Variants in CSMD3 observed in about 807,000 individuals in gnomAD.
CSMD3 encodes CUB and sushi domain-containing protein 3.
Under a neutral mutation model 435.2 loss-of-function variants are expected in CSMD3, and 177 were observed. The observed-to-expected ratio is 0.41, with a 90% CI of 0.36 to 0.46. CSMD3 has a LOEUF of 0.46. CSMD3 is among the 20% of genes least tolerant of loss of function. The probability of loss-of-function intolerance (pLI) is 0.34; values close to 1 mark genes in which losing one functional copy is unlikely to be tolerated. For synonymous variants in CSMD3, 1,656 were observed against 1,520.5 expected (o/e 1.09, Z -2.07); for missense variants, 4,265 against 4,504.6 (o/e 0.95, Z 1.52).
intron 32 of CSMD3, among the ~76,000 whole-genome samples, chr8:112,437,670 T>C (rs1814521811): frequency 6.6e-6 from 1 of 152,074 alleles, no homozygotes; most frequent in Non-Finnish European, 1.5e-5. Flanking sequence ...AAATATACTC[T>C]TTTTTTCTTT....
chr8:112,981,632 C>T (rs968053190), intron 6 of CSMD3, among the ~76,000 whole-genome samples: 2 of 151,402 alleles, frequency 1.3e-5, no homozygotes, highest in African/African-American at 4.8e-5. Flanking sequence ...TAAGATTTGT[C>T]AGTAAATGTA....
Position 113,173,906 on chromosome 8 carries a change from A to G in CSMD3, c.525T>C (p.Ser175=). The G allele has an allele frequency of 6.2e-7, 1 of 1,612,722 alleles. No individual in the cohort carries two copies. Among genetic ancestry groups the G allele is most frequent in the Non-Finnish European group, 8.5e-7 (1 of 1,178,838 alleles). The change falls in exon 4 of 71, where the codon AGT becomes AGC. Residue 175 remains serine, a synonymous_variant. Coordinates refer to ENST00000297405, the MANE Select transcript of CSMD3 (RefSeq NM_198123.2). The part of the protein sequence containing the change: ...GFKVYYEELQ[S]SSCGNPGVPP... ...GAACACCAGGATTTCCACAAGAGCT[A>G]CTCTGCAATTCTATTAAAAAGGAGG...
intron 3 of CSMD3, among the ~76,000 whole-genome samples, chr8:113,226,821 A>G (rs571167716): frequency 9.7e-4 from 147 of 151,684 alleles, no homozygotes; most frequent in Non-Finnish European, 1.9e-3. Flanking sequence ...CCTTATATGA[A>G]CAATAGGTAT....
chr8:112,442,966 T>C (rs1439339422), intron 32 of CSMD3, among the ~76,000 whole-genome samples: 1 of 152,180 alleles, frequency 6.6e-6, no homozygotes, highest in African/African-American at 2.4e-5. Flanking sequence ...AACTTCTGTT[T>C]TGTTTAACCC....
chr8:113,278,848 T>A (rs1227229576), intron 2 of CSMD3, 144 bp from the exon 3 acceptor site: 1 of 607,956 alleles, frequency 1.6e-6, no homozygotes, highest in African/African-American at 1.8e-5. Flanking sequence ...GCCAACACCT[T>A]GATTTCAGCC....
At chr8:112,376,817 G>T (rs763115986) in intron 38 of CSMD3, among the ~76,000 whole-genome samples, 3 of 151,994 alleles carry the variant, frequency 2.0e-5, no homozygotes, top group Non-Finnish European at 4.4e-5. Context: ...TAAGTTTCAG[G>T]ATCTATACTC....
chr8:112,954,911 G>T (rs1398912503), intron 7 of CSMD3, 150 bp from the exon 8 acceptor site: 3 of 614,964 alleles, frequency 4.9e-6, no homozygotes, highest in Non-Finnish European at 8.6e-6. Context: ...TTTTTTTAAA[G>T]CAATATAATC....
intron 13 of CSMD3, among the ~76,000 whole-genome samples, chr8:112,770,939 T>C (rs1393775207): frequency 6.6e-6 from 1 of 152,014 alleles, no homozygotes; most frequent in African/African-American, 2.4e-5. Flanking sequence ...CTAAGCTGTA[T>C]GTCAATTCTA....
chr8:112,756,374 T>C (rs1443229623), intron 13 of CSMD3, among the ~76,000 whole-genome samples: 1 of 152,150 alleles, frequency 6.6e-6, no homozygotes, highest in Non-Finnish European at 1.5e-5. Flanking sequence ...GTGTTCCTAA[T>C]AGGAGTATTT....
At chr8:112,312,655 T>C (rs1822099154) in intron 49 of CSMD3, among the ~76,000 whole-genome samples, 1 of 152,216 alleles carries the variant, frequency 6.6e-6, no homozygotes, top group Admixed American at 6.5e-5. Context: ...ATAGTAGTAA[T>C]ATGCTGTCAG....
intron 12 of CSMD3, among the ~76,000 whole-genome samples, chr8:112,808,697 AC>A (rs1355351642): frequency 5.3e-5 from 8 of 149,850 alleles, no homozygotes; most frequent in Admixed American, 1.3e-4. Flanking sequence ...TATCTTTTTA[AC>A]CTTCTTTTGC....
At chr8:112,465,900 A>G (rs977715885) in intron 32 of CSMD3, among the ~76,000 whole-genome samples, 2 of 151,230 alleles carry the variant, frequency 1.3e-5, no homozygotes, top group East Asian at 3.9e-4. Flanking sequence ...ACTTGAACCC[A>G]GGAGGCGAAG....
intron 6 of CSMD3, among the ~76,000 whole-genome samples, chr8:112,983,834 G>GA (rs1361434531): frequency 6.6e-5 from 10 of 152,094 alleles, no homozygotes; most frequent in African/African-American, 1.9e-4. Context: ...CATTCTGGAA[G>GA]AAAGACTATT....
intron 36 of CSMD3, among the ~76,000 whole-genome samples, chr8:112,384,739 T>A (rs1355502193): frequency 6.6e-6 from 1 of 152,226 alleles, no homozygotes; most frequent in Non-Finnish European, 1.5e-5. Flanking sequence ...ATACCCTGCC[T>A]GTATGATTGG....
chr8:112,238,529 T>C (rs887542503), intron 66 of CSMD3, among the ~76,000 whole-genome samples: 2 of 152,012 alleles, frequency 1.3e-5, no homozygotes, highest in African/African-American at 2.4e-5. Flanking sequence ...CTTACTTTGA[T>C]ACCACTGCCA....
At chr8:112,355,791 C>T (rs1586860417) in intron 38 of CSMD3, among the ~76,000 whole-genome samples, 1 of 151,890 alleles carries the variant, frequency 6.6e-6, no homozygotes, top group East Asian at 1.9e-4. Context: ...AGAGATTGTG[C>T]CACTGCACTC....
At chr8:112,800,369 G>A in intron 12 of CSMD3, 95 bp from the exon 13 acceptor site, 13 of 875,704 alleles carry the variant, frequency 1.5e-5, no homozygotes, top group Non-Finnish European at 2.5e-5. Context: ...TACTTTCTTT[G>A]CTAGAAAAAA....
intron 31 of CSMD3, among the ~76,000 whole-genome samples, chr8:112,486,703 T>C (rs1820168575): frequency 6.6e-6 from 1 of 152,166 alleles, no homozygotes; most frequent in African/African-American, 2.4e-5. Flanking sequence ...AAATTCTGTT[T>C]ACATATCACT....
chr8:113,271,130 TTC>T (rs2093522068), intron 3 of CSMD3, among the ~76,000 whole-genome samples: 2 of 152,148 alleles, frequency 1.3e-5, no homozygotes, highest in Admixed American at 6.5e-5. Flanking sequence ...GTTAAAAGTA[TTC>T]TGTTTTAAAA....
Sources: gnomAD v4.1 joint callset for allele counts (sites outside exome capture counted in the v4.1 genomes callset) on GRCh38, gnomAD v4.1.1 for gene constraint, MANE v1.5 for transcripts, NCBI Gene and HGNC (gene_info 2026-07-23, HGNC 2026-07-21) for gene names.